The following TAB2 variants were observed in gnomAD, a reference collection of about 807,000 sequenced individuals.
TAB2 encodes TGF-beta activated kinase 1 (MAP3K7) binding protein 2.
TAB2 carries 3 observed loss-of-function variants against 65.0 expected under a neutral mutation model. The ratio of observed to expected loss-of-function variants is 0.05; its 90% CI spans 0.02 to 0.12. TAB2 has a LOEUF of 0.12. TAB2 is among the 10% of genes least tolerant of loss of function. The pLI is 1.00. For synonymous variants in TAB2, 298 were observed against 285.1 expected (o/e 1.05, Z -0.46); for missense variants, 623 against 840.3 (o/e 0.74, Z 3.20).
intron 5 of TAB2, 24 bp from the exon 6 acceptor site, chr6:149,399,080 A>G: frequency 1.3e-6 from 2 of 1,581,626 alleles, no homozygotes; most frequent in Non-Finnish European, 1.7e-6. Context: ...AAGCATTGAT[A>G]TATTTACTTT....
chr6:149,256,046 C>A (rs1449473416), intron 1 of TAB2, among the ~76,000 whole-genome samples: 7 of 152,124 alleles, frequency 4.6e-5, no homozygotes, highest in Non-Finnish European at 7.3e-5. Flanking sequence ...GTTGATTGTA[C>A]CTTCAAGCCT....
Position 149,378,641 on chromosome 6 carries a change from G to A in TAB2, c.726G>A (p.Met242Ile), listed in dbSNP as rs756394050. The change falls in exon 3 of 7, where the codon ATG (methionine) becomes ATA (isoleucine). Residue 242 changes from methionine to isoleucine, a missense_variant. By Grantham distance (10) the Met-to-Ile change is conservative (BLOSUM62 1). Coordinates refer to ENST00000637181, the MANE Select transcript of TAB2 (RefSeq NM_001292034.3). ...GCTGGGTATCTCAGTTTAATCCCAT[G>A]AACCCTCAGCAAGTTTATCAGCCTT... ...HSGWVSQFNPMNPQQVYQPSQ... is the reference protein window; with the variant it reads ...HSGWVSQFNPINPQQVYQPSQ... 6 of 1,613,256 alleles carry A rather than the reference G, an allele frequency of 3.7e-6. No individual in the cohort carries two copies. In the Admixed American group the frequency reaches 1.0e-4, roughly 27 times the overall value.
chr6:149,379,476 C>T lies in TAB2; in HGVS notation c.1561C>T (p.Arg521Trp), dbSNP rs139321603. 55 of 1,613,900 alleles carry T rather than the reference C, an allele frequency of 3.4e-5. No individual in the cohort carries two copies. The highest frequency in any genetic ancestry group is 6.7e-5 in the East Asian group (3 of 44,900). Residue 521 changes from arginine to tryptophan, a missense_variant, in exon 3 of 7, where the codon CGG becomes TGG. Transcript: ENST00000637181. ...ACATGTGGATAGAATAAGTGAAACA[C>T]GGAAACTGAGTATGGGATCTGATGA... Reference protein sequence around the residue: ...LAHVDRISETRKLSMGSDDAA... With the variant: ...LAHVDRISETWKLSMGSDDAA...
chr6:149,365,325 A>G (rs1781003880), intron 1 of TAB2, among the ~76,000 whole-genome samples: 1 of 152,236 alleles, frequency 6.6e-6, no homozygotes, highest in Non-Finnish European at 1.5e-5. Context: ...TTGTCCTTAC[A>G]AATGACTTAC....
At chr6:149,380,343 A>AT (rs1345674777) in intron 3 of TAB2, among the ~76,000 whole-genome samples, 1 of 152,232 alleles carries the variant, frequency 6.6e-6, no homozygotes, top group Non-Finnish European at 1.5e-5. Flanking sequence ...CTCAAAGAGA[A>AT]GTTTGAATCT....
chr6:149,401,690 A>G (rs1299485739), intron 6 of TAB2, among the ~76,000 whole-genome samples: 1 of 152,152 alleles, frequency 6.6e-6, no homozygotes, highest in Non-Finnish European at 1.5e-5. Context: ...CACACACGGA[A>G]CATTCTGTAG....
chr6:149,227,442 G>T (rs540304083), intron 1 of TAB2, among the ~76,000 whole-genome samples: 1 of 152,072 alleles, frequency 6.6e-6, no homozygotes, highest in Admixed American at 6.6e-5. Flanking sequence ...CACTTGATAC[G>T]GGCTGCAAGA....
intron 1 of TAB2, among the ~76,000 whole-genome samples, chr6:149,332,211 A>G (rs1779805752): frequency 1.3e-5 from 2 of 152,296 alleles, no homozygotes; most frequent in African/African-American, 4.8e-5. Flanking sequence ...ACATATAACC[A>G]GTGATATCAA....
At chr6:149,252,257 T>G (rs1777877355) in intron 1 of TAB2, among the ~76,000 whole-genome samples, 1 of 151,828 alleles carries the variant, frequency 6.6e-6, no homozygotes, top group Non-Finnish European at 1.5e-5. Context: ...AATACAAAAT[T>G]AGCCAGGCAT....
At chr6:149,374,209 G>A (rs1006983760) in intron 2 of TAB2, among the ~76,000 whole-genome samples, 55 of 152,144 alleles carry the variant, frequency 3.6e-4, no homozygotes, top group African/African-American at 1.0e-3. Context: ...TGCTAAGAAT[G>A]AAGATGAAAT....
At position 149,378,026 on chromosome 6, in the gene TAB2, TAAC is replaced by T; in HGVS notation, c.112_114del (p.Asn38del). 6.2e-7 allele frequency: 1 copy of T among 1,613,736 alleles called. No individual in the cohort carries two copies. Among genetic ancestry groups the T allele is most frequent in the Non-Finnish European group, 8.5e-7 (1 of 1,179,718 alleles). Reference sequence around the variant, plus strand: ...TTATTTTGTTTTCATAGAATAATAATAACCTGGATGCCTGCTGTGCTGTTCTCT... The same window carrying T: ...TTATTTTGTTTTCATAGAATAATAATCTGGATGCCTGCTGTGCTGTTCTCT... On this transcript the variant is annotated inframe_deletion, in exon 3 of 7. Transcript: ENST00000637181.
chr6:149,379,036 C>A lies in TAB2; in HGVS notation c.1121C>A (p.Pro374Gln), dbSNP rs774198686. 6.2e-7 allele frequency: 1 copy of A among 1,614,208 alleles called. No homozygotes were observed. Among genetic ancestry groups the A allele is most frequent in the Non-Finnish European group, 8.5e-7 (1 of 1,180,040 alleles). The part of the protein sequence containing the change: ...QPTVYIAASP[P>Q]NTDELMSRSQ... The stretch of plus-strand genomic sequence containing the variant: ...ACTGTTTACATAGCTGCCAGCCCCC[C>A]AAATACGGATGAGCTGATGTCCCGT... The change falls in exon 3 of 7, where the codon CCA becomes CAA. Residue 374 changes from proline to glutamine, a missense_variant. Pro to Gln is a moderately conservative substitution (Grantham distance 76). This residue lies in a region of TAB2 where 550 missense variants were observed against 665.7 expected (regional missense o/e 0.83). Coordinates refer to ENST00000637181, the MANE Select transcript of TAB2 (RefSeq NM_001292034.3).
intron 1 of TAB2, among the ~76,000 whole-genome samples, chr6:149,249,466 C>T (rs1410402152): frequency 6.6e-6 from 1 of 151,986 alleles, no homozygotes; most frequent in Non-Finnish European, 1.5e-5. Context: ...CTCTCTATCT[C>T]TGTCTTTCTC....
At chr6:149,366,989 T>C (rs1474378458) in intron 1 of TAB2, among the ~76,000 whole-genome samples, 5 of 151,992 alleles carry the variant, frequency 3.3e-5, no homozygotes, top group Admixed American at 6.6e-5. Context: ...ATTTGAAATA[T>C]GTTTTGGAAG....
At chr6:149,285,162 C>T (rs1778647813) in intron 1 of TAB2, among the ~76,000 whole-genome samples, 1 of 152,172 alleles carries the variant, frequency 6.6e-6, no homozygotes, top group Non-Finnish European at 1.5e-5. Context: ...GCTACATTCT[C>T]CTGGTTTGTT....
chr6:149,346,138 G>A (rs892441935), intron 1 of TAB2, among the ~76,000 whole-genome samples: 10 of 152,138 alleles, frequency 6.6e-5, no homozygotes, highest in Non-Finnish European at 1.3e-4. Flanking sequence ...GTGGATGGGT[G>A]GATGGATAGA....
At chr6:149,311,530 A>T (rs541611795) in intron 1 of TAB2, among the ~76,000 whole-genome samples, 95 of 152,346 alleles carry the variant, frequency 6.2e-4, no homozygotes, top group African/African-American at 2.0e-3. Context: ...GGGTCAGAAG[A>T]TCTATTCAAA....
intron 1 of TAB2, among the ~76,000 whole-genome samples, chr6:149,227,718 G>C (rs1399995888): frequency 6.6e-6 from 1 of 152,190 alleles, no homozygotes; most frequent in Admixed American, 6.5e-5. Context: ...AAATCAAGAA[G>C]AGCTGCTAAC....
intron 1 of TAB2, among the ~76,000 whole-genome samples, chr6:149,236,654 G>A (rs1777501287): frequency 6.6e-6 from 1 of 152,188 alleles, no homozygotes; most frequent in Non-Finnish European, 1.5e-5. Flanking sequence ...GAGTTAGGCA[G>A]CATAAGACAT....
Sources: gnomAD v4.1 joint callset for allele counts (sites outside exome capture counted in the v4.1 genomes callset) on GRCh38, gnomAD v4.1.1 for gene constraint, gnomAD v4.1.1 regional missense constraint, MANE v1.5 for transcripts, NCBI Gene and HGNC (gene_info 2026-07-23, HGNC 2026-07-21) for gene names.